The following DGKB variants were observed in gnomAD, a reference collection of about 807,000 sequenced individuals.
DGKB encodes the protein diacylglycerol kinase beta, also known as 90 kDa diacylglycerol kinase.
A neutral mutation model predicts 114.3 loss-of-function variants in DGKB; 67 were observed. The observed-to-expected ratio is 0.59, with a 90% CI of 0.48 to 0.72. The LOEUF (loss-of-function observed/expected upper bound fraction) is 0.72, where lower values mean the gene tolerates loss of function less well. Among genes scored for constraint, DGKB ranks in the 30% least tolerant of loss-of-function variants. The probability of loss-of-function intolerance (pLI) is 0.00; values close to 1 mark genes in which losing one functional copy is unlikely to be tolerated. For missense variants in DGKB, 907 were observed against 975.2 expected, an observed-to-expected ratio of 0.93 and a Z score of 0.93; for synonymous variants, 398 against 323.1, an observed-to-expected ratio of 1.23 and a Z score of -2.49.
Position 14,607,545 on chromosome 7 carries a change from T to A in DGKB, c.1359-37A>T, listed in dbSNP as rs575891779. ...AAAATGTGGGGAAAAAATTTAATAA[T>A]ATTCAATACTTTTAAAATAAGTAAT... On this transcript the variant is annotated intron_variant, in intron 16 of 25. Coordinates refer to ENST00000402815, the MANE Select transcript of DGKB (RefSeq NM_001350709.2). 14 of 905,480 alleles carry A rather than the reference T, an allele frequency of 1.5e-5. No individual in the cohort carries two copies. The African/African-American group carries it at 2.3e-4, about 15-fold the overall frequency. The allele number at this position is 905,480 out of a possible 1,614,324, so 56.1% of individuals were successfully genotyped here.
chr7:14,586,802 C>A (rs1800846566), intron 17 of DGKB, among the ~76,000 whole-genome samples: 2 of 150,976 alleles, frequency 1.3e-5, no homozygotes, highest in Admixed American at 1.3e-4. Context: ...TATCGCATTT[C>A]TTTACAGCAT....
chr7:14,759,716 A>G (rs1014438827), intron 2 of DGKB, among the ~76,000 whole-genome samples: 1 of 152,154 alleles, frequency 6.6e-6, no homozygotes, highest in Non-Finnish European at 1.5e-5. Flanking sequence ...TGCTATGAAC[A>G]TTCAAGTGTA....
chr7:14,292,586 T>G (rs997609856), intron 23 of DGKB, among the ~76,000 whole-genome samples: 2 of 152,220 alleles, frequency 1.3e-5, no homozygotes, highest in African/African-American at 4.8e-5. Context: ...CATTCCGTCT[T>G]TGGGAGTATC....
At chr7:14,529,927 G>C (rs987995174) in intron 20 of DGKB, among the ~76,000 whole-genome samples, 1 of 151,712 alleles carries the variant, frequency 6.6e-6, no homozygotes, top group African/African-American at 2.4e-5. Context: ...ACTTAGTCAA[G>C]TGAAATGCTA....
At chr7:14,960,907 A>T (rs926925547) in intron 1 of DGKB, among the ~76,000 whole-genome samples, 1 of 152,092 alleles carries the variant, frequency 6.6e-6, no homozygotes, top group Non-Finnish European at 1.5e-5. Flanking sequence ...ATGTTTTATT[A>T]CCCATGATCT....
At chr7:14,306,665 T>G (rs920697820) in intron 23 of DGKB, among the ~76,000 whole-genome samples, 1 of 152,166 alleles carries the variant, frequency 6.6e-6, no homozygotes, top group Non-Finnish European at 1.5e-5. Flanking sequence ...GGGTTTTCTT[T>G]TAAGAGGCGT....
intron 1 of DGKB, among the ~76,000 whole-genome samples, chr7:14,964,512 A>G (rs934831045): frequency 6.6e-6 from 1 of 152,186 alleles, no homozygotes; most frequent in Non-Finnish European, 1.5e-5. Flanking sequence ...AAATAAATAA[A>G]TAAGATAAAT....
At chr7:14,250,683 C>T (rs888098721) in intron 23 of DGKB, among the ~76,000 whole-genome samples, 1 of 152,086 alleles carries the variant, frequency 6.6e-6, no homozygotes, top group Non-Finnish European at 1.5e-5. Flanking sequence ...TGTAGAAGCC[C>T]ACTGTTTCCT....
intron 21 of DGKB, among the ~76,000 whole-genome samples, chr7:14,360,521 C>T (rs1815521508): frequency 6.6e-6 from 1 of 151,492 alleles, no homozygotes; most frequent in Admixed American, 6.6e-5. Context: ...TAAGGAGCAC[C>T]TACTAAGTTT....
At chr7:14,296,029 C>A (rs1802491836) in intron 23 of DGKB, among the ~76,000 whole-genome samples, 1 of 135,814 alleles carries the variant, frequency 7.4e-6, no homozygotes, top group Non-Finnish European at 1.6e-5. Flanking sequence ...CTGCAAAGGT[C>A]ATGAACTCAT....
At chr7:14,946,912 T>C (rs1025850305) in intron 1 of DGKB, among the ~76,000 whole-genome samples, 1 of 151,762 alleles carries the variant, frequency 6.6e-6, no homozygotes, top group Non-Finnish European at 1.5e-5. Context: ...TATTACCTGA[T>C]ATAAATAATT....
intron 2 of DGKB, among the ~76,000 whole-genome samples, chr7:14,773,782 T>A (rs1192271134): frequency 6.6e-6 from 1 of 152,144 alleles, no homozygotes; most frequent in Non-Finnish European, 1.5e-5. Context: ...AGATGGGTCA[T>A]AAATAAATAT....
At chr7:14,438,335 G>A (rs1042761405) in intron 21 of DGKB, among the ~76,000 whole-genome samples, 1 of 152,078 alleles carries the variant, frequency 6.6e-6, no homozygotes, top group Non-Finnish European at 1.5e-5. Context: ...TTTTTTAACA[G>A]TGCTACCAAG....
intron 2 of DGKB, among the ~76,000 whole-genome samples, chr7:14,840,052 C>A (rs375173980): frequency 1.3e-5 from 2 of 152,162 alleles, no homozygotes; most frequent in Non-Finnish European, 2.9e-5. Flanking sequence ...ATTACCATCA[C>A]ATCTATCTTC....
At chr7:14,466,192 G>A (rs868548116) in intron 21 of DGKB, among the ~76,000 whole-genome samples, 3 of 152,084 alleles carry the variant, frequency 2.0e-5, no homozygotes, top group Non-Finnish European at 4.4e-5. Context: ...TGAAAAATAC[G>A]AACAAGCGCT....
At chr7:14,666,876 G>A (rs1818123775) in intron 13 of DGKB, among the ~76,000 whole-genome samples, 1 of 151,818 alleles carries the variant, frequency 6.6e-6, no homozygotes, top group Non-Finnish European at 1.5e-5. Flanking sequence ...ATTTTTGATA[G>A]TACTTTCAAA....
chr7:14,808,144 T>C (rs1245425647), intron 2 of DGKB, among the ~76,000 whole-genome samples: 1 of 152,070 alleles, frequency 6.6e-6, no homozygotes, highest in Admixed American at 6.6e-5. Context: ...TGCAAATTGT[T>C]GTTTTATTAT....
intron 1 of DGKB, among the ~76,000 whole-genome samples, chr7:14,861,573 A>G (rs534208001): frequency 1.3e-4 from 20 of 152,094 alleles, no homozygotes; most frequent in Admixed American, 2.6e-4. Flanking sequence ...ATAGAACATT[A>G]CCAGCACATT....
intron 23 of DGKB, chr7:14,192,233 A>T: frequency 4.9e-6 from 1 of 203,644 alleles, no homozygotes; most frequent in Non-Finnish European, 9.9e-6. Flanking sequence ...CTCCACCAAA[A>T]ACTAGTCAAA....
Sources: allele counts gnomAD v4.1 joint callset (sites outside exome capture counted in the v4.1 genomes callset), GRCh38; gene constraint gnomAD v4.1.1; transcripts MANE v1.5; gene names NCBI Gene and HGNC (gene_info 2026-07-23, HGNC 2026-07-21).